AUTS2: variants seen among roughly 807,000 people sequenced by gnomAD.
The protein encoded by AUTS2 is activator of transcription and developmental regulator AUTS2.
AUTS2 carries 17 observed loss-of-function variants against 112.4 expected under a neutral mutation model. The ratio of observed to expected loss-of-function variants is 0.15; its 90% CI spans 0.10 to 0.23. The LOEUF (loss-of-function observed/expected upper bound fraction) is 0.23. AUTS2 is among the 10% of genes least tolerant of loss of function. The probability of loss-of-function intolerance (pLI) is 1.00; values close to 1 mark genes in which losing one functional copy is unlikely to be tolerated. For synonymous variants in AUTS2, 751 were observed against 702.7 expected (o/e 1.07, Z -1.09); for missense variants, 1,510 against 1,701.6 (o/e 0.89, Z 1.98).
chr7:70,373,070 CT>C (rs1792914376), intron 4 of AUTS2, among the ~76,000 whole-genome samples: 1 of 151,664 alleles, frequency 6.6e-6, no homozygotes, highest in Non-Finnish European at 1.5e-5. Flanking sequence ...TGCGAGATTG[CT>C]GACATACACT....
intron 2 of AUTS2, among the ~76,000 whole-genome samples, chr7:69,964,591 C>T (rs13237811): frequency 0.39 from 58,507 of 151,588 alleles, 12,698 homozygotes; most frequent in African/African-American, 0.59. Flanking sequence ...GGTAGAATAT[C>T]CATAAAGCCT....
intron 4 of AUTS2, among the ~76,000 whole-genome samples, chr7:70,164,276 G>A (rs1808267428): frequency 6.6e-6 from 1 of 152,044 alleles, no homozygotes; most frequent in Admixed American, 6.5e-5. Flanking sequence ...ATTGTTATAA[G>A]TAGTAAACCA....
At chr7:70,750,951 A>AC (rs1378310302) in intron 6 of AUTS2, among the ~76,000 whole-genome samples, 4 of 145,882 alleles carry the variant, frequency 2.7e-5, no homozygotes, top group Non-Finnish European at 5.9e-5. Context: ...TTTACCCTAG[A>AC]CCCACCCATT....
intron 5 of AUTS2, among the ~76,000 whole-genome samples, chr7:70,627,543 T>C (rs1026922499): frequency 1.3e-5 from 2 of 152,230 alleles, no homozygotes; most frequent in African/African-American, 4.8e-5. Context: ...CTTCGGGTAT[T>C]AATCAGCACC....
intron 2 of AUTS2, among the ~76,000 whole-genome samples, chr7:70,081,238 TA>T (rs1415279778): frequency 6.6e-6 from 1 of 151,904 alleles, no homozygotes; most frequent in African/African-American, 2.4e-5. Context: ...GTGAATTTTT[TA>T]AAACTGGGAT....
intron 1 of AUTS2, among the ~76,000 whole-genome samples, chr7:69,886,028 G>C (rs1249153444): frequency 6.6e-6 from 1 of 152,178 alleles, no homozygotes; most frequent in Non-Finnish European, 1.5e-5. Flanking sequence ...CTGAATTGAT[G>C]AATTCTAAGT....
At chr7:70,096,975 GCTT>G (rs1257014659) in intron 2 of AUTS2, among the ~76,000 whole-genome samples, 1 of 152,112 alleles carries the variant, frequency 6.6e-6, no homozygotes, top group African/African-American at 2.4e-5. Context: ...TTCTCTTTTT[GCTT>G]CTTCTACCTG....
At chr7:70,102,904 G>A (rs574853422) in intron 2 of AUTS2, among the ~76,000 whole-genome samples, 2 of 152,158 alleles carry the variant, frequency 1.3e-5, no homozygotes, top group Admixed American at 6.5e-5. Context: ...AGAGAGTATT[G>A]TAGAATTTAT....
At chr7:69,605,192 C>G (rs1457701158) in intron 1 of AUTS2, among the ~76,000 whole-genome samples, 2 of 152,182 alleles carry the variant, frequency 1.3e-5, no homozygotes, top group African/African-American at 4.8e-5. Context: ...ATCTTGGAAT[C>G]TGGTGATCTC....
chr7:70,244,780 C>T (rs1031026693), intron 4 of AUTS2, among the ~76,000 whole-genome samples: 5 of 152,124 alleles, frequency 3.3e-5, no homozygotes, highest in Admixed American at 2.6e-4. Flanking sequence ...TGATCCTTTT[C>T]TTTGTCTTTG....
intron 1 of AUTS2, among the ~76,000 whole-genome samples, chr7:69,639,094 G>C (rs1465491887): frequency 1.3e-5 from 2 of 152,246 alleles, no homozygotes; most frequent in East Asian, 3.9e-4. Flanking sequence ...AATTATTATA[G>C]AGTTTTATTA....
intron 1 of AUTS2, among the ~76,000 whole-genome samples, chr7:69,835,860 A>C (rs951594324): frequency 2.6e-5 from 4 of 152,230 alleles, no homozygotes; most frequent in African/African-American, 7.2e-5. Flanking sequence ...GATGTTTATC[A>C]ATTTAGGTGC....
intron 1 of AUTS2, among the ~76,000 whole-genome samples, chr7:69,740,196 G>C (rs1787203058): frequency 6.6e-6 from 1 of 152,146 alleles, no homozygotes; most frequent in African/African-American, 2.4e-5. Context: ...GACATGACCA[G>C]CTGCTTCTTC....
chr7:70,763,203 A>T lies in AUTS2; in HGVS notation c.1076A>T (p.Gln359Leu). ...CAGCCTGCCCCGCAGCCTCAGGTGC[A>T]GAGGCCACCCAGGCCACAGTCCCCC... ...QLQPAPQPQV[Q>L]RPPRPQSPTQ... Residue 359 changes from glutamine (Q) to leucine (L), a missense_variant, in exon 7 of 19, where the codon CAG (glutamine) becomes CTG (leucine). Around this residue, in one of 3 missense-constraint regions of AUTS2, gnomAD observed 535 missense variants for 594.3 expected, o/e 0.90. Transcript: ENST00000342771. 1 of 1,614,052 alleles carries T rather than the reference A, an allele frequency of 6.2e-7. No individual in the cohort carries two copies. Among genetic ancestry groups the T allele is most frequent in the Non-Finnish European group, 8.5e-7 (1 of 1,179,990 alleles).
intron 5 of AUTS2, among the ~76,000 whole-genome samples, chr7:70,575,021 T>G (rs1249641424): frequency 1.3e-5 from 2 of 152,150 alleles, no homozygotes; most frequent in Admixed American, 1.3e-4. Context: ...CCCTGCCGCT[T>G]TAAGTGGAGT....
At chr7:70,023,050 G>C (rs529835070) in intron 2 of AUTS2, among the ~76,000 whole-genome samples, 1 of 151,976 alleles carries the variant, frequency 6.6e-6, no homozygotes, top group Non-Finnish European at 1.5e-5. Flanking sequence ...TTGCTGTGTT[G>C]CCTAGGCTTG....
At chr7:69,764,730 C>T (rs190353580) in intron 1 of AUTS2, among the ~76,000 whole-genome samples, 1 of 152,274 alleles carries the variant, frequency 6.6e-6, no homozygotes, top group African/African-American at 2.4e-5. Flanking sequence ...TCAGGCAAAC[C>T]TCATTCATAT....
intron 4 of AUTS2, among the ~76,000 whole-genome samples, chr7:70,193,774 A>G (rs1358009389): frequency 6.6e-6 from 1 of 152,218 alleles, no homozygotes; most frequent in Non-Finnish European, 1.5e-5. Flanking sequence ...ACTGTTTCAG[A>G]TAGGTTTGCC....
At chr7:70,365,141 G>A (rs1425491552) in intron 4 of AUTS2, among the ~76,000 whole-genome samples, 1 of 152,108 alleles carries the variant, frequency 6.6e-6, no homozygotes, top group African/African-American at 2.4e-5. Flanking sequence ...AAAGATATTT[G>A]GTAAAGGAAT....
Sources: allele counts gnomAD v4.1 joint callset (sites outside exome capture counted in the v4.1 genomes callset), GRCh38; gene constraint gnomAD v4.1.1; regional missense constraint gnomAD v4.1.1; transcripts MANE v1.5; gene names NCBI Gene and HGNC (gene_info 2026-07-23, HGNC 2026-07-21).